Variants in NYAP2 observed in about 807,000 individuals in gnomAD.
NYAP2 encodes neuronal tyrosine-phosphorylated phosphoinositide-3-kinase adapter 2.
NYAP2 carries 23 observed loss-of-function variants against 50.4 expected under a neutral mutation model. That is an observed-to-expected ratio of 0.46 (90% CI 0.33 to 0.65). The LOEUF is 0.65. Among genes scored for constraint, NYAP2 ranks in the 30% least tolerant of loss-of-function variants. The pLI is 0.02. For synonymous variants in NYAP2, 394 were observed against 365.2 expected (o/e 1.08, Z -0.90); for missense variants, 885 against 861.0 (o/e 1.03, Z -0.35).
intron 4 of NYAP2, among the ~76,000 whole-genome samples, chr2:225,571,484 T>C (rs1692071549): frequency 6.6e-6 from 1 of 152,250 alleles, no homozygotes; most frequent in African/African-American, 2.4e-5. Flanking sequence ...TCGACTTCTG[T>C]GCCCCCACAG....
chr2:225,636,290 G>A (rs1693413027), intron 6 of NYAP2, among the ~76,000 whole-genome samples: 1 of 152,114 alleles, frequency 6.6e-6, no homozygotes, highest in Admixed American at 6.6e-5. Context: ...ACTCAGGAGT[G>A]TGGATAAAAA....
At position 225,417,212 on chromosome 2, in the gene NYAP2, T is replaced by A. The variant is rs141944300; in HGVS notation, c.221+8111T>A. On this transcript the variant is annotated intron_variant, in intron 3 of 6. Transcript: ENST00000636099. ...AAAATGCAATGTCTCCTAGAGAATGTGTGTAATGTAACAAATGAAACTGCT... is the reference window on the plus strand; with the variant it reads ...AAAATGCAATGTCTCCTAGAGAATGAGTGTAATGTAACAAATGAAACTGCT... Among the ~76,000 whole-genome samples the A allele has an allele frequency of 2.1e-3, 323 of 152,276 alleles. 1 individual carries two copies. The highest frequency in any genetic ancestry group is 7.5e-3 in the African/African-American group (310 of 41,568).
At chr2:225,474,742 C>A (rs1690074862) in intron 3 of NYAP2, among the ~76,000 whole-genome samples, 1 of 152,208 alleles carries the variant, frequency 6.6e-6, no homozygotes, top group African/African-American at 2.4e-5. Context: ...GATATACAAT[C>A]ATGTCATCTG....
chr2:225,533,818 T>G (rs1334875246), intron 4 of NYAP2, among the ~76,000 whole-genome samples: 2 of 152,216 alleles, frequency 1.3e-5, no homozygotes, highest in African/African-American at 4.8e-5. Context: ...GTTTCAATAT[T>G]TTGTAATTTA....
chr2:225,494,949 C>T (rs1690476103), intron 3 of NYAP2, among the ~76,000 whole-genome samples: 5 of 152,050 alleles, frequency 3.3e-5, no homozygotes, highest in Admixed American at 3.3e-4. Flanking sequence ...ATGTAAAAAC[C>T]AGTAATGCAT....
At chr2:225,456,430 C>T (rs145188241) in intron 3 of NYAP2, among the ~76,000 whole-genome samples, 1 of 152,294 alleles carries the variant, frequency 6.6e-6, no homozygotes, top group East Asian at 1.9e-4. Flanking sequence ...TCTTCACTCC[C>T]TTCTGTAAGA....
chr2:225,622,582 CTTT>C (rs1693138513), intron 5 of NYAP2, among the ~76,000 whole-genome samples: 1 of 108,728 alleles, frequency 9.2e-6, no homozygotes, highest in Non-Finnish European at 1.9e-5. Flanking sequence ...TTTCTTTCTT[CTTT>C]CTTTTTTTTT....
chr2:225,614,530 A>G (rs1692953850), intron 5 of NYAP2, among the ~76,000 whole-genome samples: 2 of 152,238 alleles, frequency 1.3e-5, no homozygotes, highest in Admixed American at 1.3e-4. Flanking sequence ...CTCAATAAAG[A>G]GTATGAGTTT....
chr2:225,537,366 C>T (rs566876282), intron 4 of NYAP2, among the ~76,000 whole-genome samples: 33 of 152,106 alleles, frequency 2.2e-4, no homozygotes, highest in Admixed American at 1.2e-3. Flanking sequence ...AAGACATACC[C>T]GAGACTGGGC....
At position 225,473,992 on chromosome 2, in the gene NYAP2, T is replaced by C. The variant is rs1690058130; in HGVS notation, c.222-39379T>C. Reference sequence around the variant, plus strand: ...ATCTTGAATTAATTTTTGTATAAGGTGTAAGGAAGGGATCCAGTTTCAGCT... The same window carrying C: ...ATCTTGAATTAATTTTTGTATAAGGCGTAAGGAAGGGATCCAGTTTCAGCT... On this transcript the variant is annotated intron_variant, in intron 3 of 6. Transcript: ENST00000636099. 2.6e-5 allele frequency among the ~76,000 whole-genome samples: 4 copies of C among 152,316 alleles called. No homozygotes were observed. In the South Asian group the frequency reaches 8.3e-4, roughly 32 times the overall value.
At chr2:225,492,413 G>T (rs994482260) in intron 3 of NYAP2, among the ~76,000 whole-genome samples, 1 of 152,170 alleles carries the variant, frequency 6.6e-6, no homozygotes, top group Non-Finnish European at 1.5e-5. Context: ...ACTTAGGCTG[G>T]TTAGTTAAAC....
intron 3 of NYAP2, among the ~76,000 whole-genome samples, chr2:225,504,010 A>T (rs1690655741): frequency 6.6e-6 from 1 of 152,206 alleles, no homozygotes; most frequent in African/African-American, 2.4e-5. Context: ...GTGGAAACTT[A>T]TTAAAAATGG....
At chr2:225,516,988 C>G (rs1285666321) in intron 4 of NYAP2, among the ~76,000 whole-genome samples, 1 of 151,936 alleles carries the variant, frequency 6.6e-6, no homozygotes, top group Non-Finnish European at 1.5e-5. Flanking sequence ...ATTATGACTT[C>G]CCTGTGGATA....
chr2:225,451,094 A>G (rs1158681990), intron 3 of NYAP2, among the ~76,000 whole-genome samples: 1 of 152,198 alleles, frequency 6.6e-6, no homozygotes, highest in African/African-American at 2.4e-5. Context: ...AATAATTTTC[A>G]AAAATGAATT....
At chr2:225,626,016 T>C (rs1486830200) in intron 5 of NYAP2, among the ~76,000 whole-genome samples, 1 of 152,132 alleles carries the variant, frequency 6.6e-6, no homozygotes, top group Non-Finnish European at 1.5e-5. Context: ...TGTACAATCT[T>C]CTGACTGATA....
intron 4 of NYAP2, among the ~76,000 whole-genome samples, chr2:225,521,844 G>T (rs1182821608): frequency 6.6e-6 from 1 of 152,056 alleles, no homozygotes. Flanking sequence ...ATTTCGGAAG[G>T]AATGGTACCA....
At chr2:225,669,358 C>T in the NYAP2 span, among the ~76,000 whole-genome samples, 4 of 152,048 alleles carry the variant, frequency 2.6e-5, no homozygotes, top group Non-Finnish European at 2.9e-5. Context: ...ACGTCTCTAC[C>T]TACTACAAAT....
At chr2:225,557,844 C>T (rs1269424413) in intron 4 of NYAP2, among the ~76,000 whole-genome samples, 1 of 152,100 alleles carries the variant, frequency 6.6e-6, no homozygotes, top group African/African-American at 2.4e-5. Context: ...ACAATGTGCC[C>T]AGTTATTTTA....
At chr2:225,577,646 G>T (rs1354734252) in intron 4 of NYAP2, among the ~76,000 whole-genome samples, 2 of 152,016 alleles carry the variant, frequency 1.3e-5, no homozygotes, top group Admixed American at 1.3e-4. Context: ...GGTAAGACCA[G>T]ATGATTCATG....
Sources: allele counts gnomAD v4.1 joint callset (sites outside exome capture counted in the v4.1 genomes callset), GRCh38; gene constraint gnomAD v4.1.1; transcripts MANE v1.5; gene names NCBI Gene and HGNC (gene_info 2026-07-23, HGNC 2026-07-21).